The following CALCRL variants were observed in gnomAD, a reference collection of about 807,000 sequenced individuals.
CALCRL encodes the protein calcitonin receptor like receptor.
CALCRL carries 27 observed loss-of-function variants against 60.4 expected under a neutral mutation model. The ratio of observed to expected loss-of-function variants is 0.45; its 90% CI spans 0.33 to 0.62. The LOEUF (loss-of-function observed/expected upper bound fraction) is 0.62. CALCRL is among the 20% of genes least tolerant of loss of function. The pLI is 0.03. For synonymous variants in CALCRL, 190 were observed against 182.6 expected, an observed-to-expected ratio of 1.04 and a Z score of -0.33; for missense variants, 424 against 540.7, an observed-to-expected ratio of 0.78 and a Z score of 2.14.
chr2:187,394,018 G>C (rs1162353090), intron 1 of CALCRL, among the ~76,000 whole-genome samples: 1 of 152,036 alleles, frequency 6.6e-6, no homozygotes, highest in Non-Finnish European at 1.5e-5. Context: ...GATTGACCTA[G>C]GTTATCTTGA....
intron 5 of CALCRL, 26 bp downstream of exon 5, chr2:187,383,147 A>G (rs924196978): frequency 1.2e-6 from 2 of 1,602,952 alleles, no homozygotes; most frequent in Admixed American, 1.7e-5. Flanking sequence ...TGTCAAATGC[A>G]TTTACAACTA....
intron 1 of CALCRL, among the ~76,000 whole-genome samples, chr2:187,400,539 C>T (rs1433665918): frequency 6.6e-6 from 1 of 151,096 alleles, no homozygotes; most frequent in Admixed American, 6.6e-5. Context: ...GTTATAAACT[C>T]GAGAAATAAA....
intron 12 of CALCRL, among the ~76,000 whole-genome samples, chr2:187,357,701 C>T (rs189990067): frequency 8.7e-4 from 131 of 150,752 alleles, no homozygotes; most frequent in East Asian, 8.0e-3. Context: ...TGCTAGATGA[C>T]GAGTTAGTGG....
intron 5 of CALCRL, among the ~76,000 whole-genome samples, chr2:187,382,920 T>C (rs1416757447): frequency 1.3e-5 from 2 of 152,152 alleles, no homozygotes; most frequent in African/African-American, 2.4e-5. Flanking sequence ...TTAATACTTA[T>C]TTGATTTAAA....
rs915665720 is a variant in CALCRL at position 187,343,851 on chromosome 2, A to C, written c.*2333T>G. 6.6e-6 allele frequency: 1 copy of C among 151,632 alleles called. No homozygotes were observed. Among genetic ancestry groups the C allele is most frequent in the Non-Finnish European group, 1.5e-5 (1 of 67,628 alleles). 9.4% of individuals were successfully genotyped at this position (151,632 alleles called of 1,614,324 possible). A position where few individuals can be genotyped will look rare whatever the true frequency, so the allele number is the denominator to read the frequency against. On this transcript the variant is annotated 3_prime_UTR_variant, in exon 15 of 15. Transcript: ENST00000392370. ...TCTAAAAATATATGGGTACAAAACT[A>C]ACAGTGATTAATCATGAATGACTGC...
At chr2:187,360,824 T>A in intron 9 of CALCRL, 73 bp from the exon 10 acceptor site, 1 of 1,376,638 alleles carries the variant, frequency 7.3e-7, no homozygotes, top group Non-Finnish European at 9.9e-7. Context: ...CTAGTTTAGC[T>A]CAGGAAACAT....
At chr2:187,365,754 C>T (rs1388314600) in intron 8 of CALCRL, among the ~76,000 whole-genome samples, 12 of 152,072 alleles carry the variant, frequency 7.9e-5, no homozygotes, top group East Asian at 1.9e-4. Flanking sequence ...CACCACATTA[C>T]GGATGCAACT....
intron 1 of CALCRL, among the ~76,000 whole-genome samples, chr2:187,426,861 T>C (rs998170815): frequency 1.3e-5 from 2 of 152,114 alleles, no homozygotes; most frequent in African/African-American, 4.8e-5. Context: ...AATGCATTAT[T>C]ATAGACTTTG....
intron 1 of CALCRL, chr2:187,436,723 A>C (rs1016601819): frequency 6.6e-6 from 1 of 152,234 alleles, no homozygotes; most frequent in Non-Finnish European, 1.5e-5. Flanking sequence ...ATGGCCATGT[A>C]GGCCAAAGCA....
At chr2:187,413,071 C>G (rs763534426) in intron 1 of CALCRL, among the ~76,000 whole-genome samples, 3 of 152,120 alleles carry the variant, frequency 2.0e-5, no homozygotes, top group Non-Finnish European at 4.4e-5. Context: ...GGATTTATCT[C>G]TGTACGTTTT....
chr2:187,426,121 GA>G (rs547524751), intron 1 of CALCRL, among the ~76,000 whole-genome samples: 8 of 147,452 alleles, frequency 5.4e-5, no homozygotes, highest in Middle Eastern at 3.5e-3. Flanking sequence ...TCATTATATA[GA>G]AAAAAAAAGG....
intron 14 of CALCRL, among the ~76,000 whole-genome samples, chr2:187,348,185 CT>C (rs1373682964): frequency 6.6e-6 from 1 of 151,640 alleles, no homozygotes; most frequent in East Asian, 1.9e-4. Flanking sequence ...AAAATAACAT[CT>C]GCATATGTAA....
At chr2:187,357,741 C>G (rs568131478) in intron 12 of CALCRL, among the ~76,000 whole-genome samples, 1 of 150,902 alleles carries the variant, frequency 6.6e-6, no homozygotes, top group East Asian at 2.0e-4. Flanking sequence ...CACATGTATA[C>G]ATATGTAACT....
At chr2:187,422,632 A>G (rs990625581) in intron 1 of CALCRL, among the ~76,000 whole-genome samples, 6 of 152,094 alleles carry the variant, frequency 3.9e-5, no homozygotes, top group Admixed American at 3.3e-4. Context: ...TTGAAGTTCA[A>G]CACATAAGAA....
chr2:187,407,804 A>T (rs1447655243), intron 1 of CALCRL, among the ~76,000 whole-genome samples: 2 of 152,118 alleles, frequency 1.3e-5, no homozygotes, highest in Admixed American at 1.3e-4. Context: ...TTGAATATGA[A>T]TAAATCCAGG....
At chr2:187,370,850 G>A (rs1687486322) in intron 8 of CALCRL, among the ~76,000 whole-genome samples, 1 of 152,092 alleles carries the variant, frequency 6.6e-6, no homozygotes, top group African/African-American at 2.4e-5. Context: ...TCACTTTATG[G>A]CATAAGAATG....
At chr2:187,383,783 A>T (rs1688086789) in intron 4 of CALCRL, among the ~76,000 whole-genome samples, 1 of 152,200 alleles carries the variant, frequency 6.6e-6, no homozygotes, top group African/African-American at 2.4e-5. Context: ...CTTACAATGT[A>T]TTGCCATTGT....
At chr2:187,439,313 T>C (rs376579366) in intron 1 of CALCRL, among the ~76,000 whole-genome samples, 1 of 151,998 alleles carries the variant, frequency 6.6e-6, no homozygotes, top group African/African-American at 2.4e-5. Context: ...CGAAATCCCA[T>C]CTCTACTAAA....
At chr2:187,392,080 GC>G (rs1211798974) in intron 1 of CALCRL, among the ~76,000 whole-genome samples, 5 of 152,002 alleles carry the variant, frequency 3.3e-5, no homozygotes, top group African/African-American at 1.2e-4. Flanking sequence ...ATGCACCAGT[GC>G]CTTGCAAGCC....
Sources: gnomAD v4.1 joint callset for allele counts (sites outside exome capture counted in the v4.1 genomes callset) on GRCh38, gnomAD v4.1.1 for gene constraint, MANE v1.5 for transcripts, NCBI Gene and HGNC (gene_info 2026-07-23, HGNC 2026-07-21) for gene names.